LMF1: variants seen among roughly 807,000 people sequenced by gnomAD.
The protein encoded by LMF1 is lipase maturation factor 1, also known as transmembrane protein 112.
In LMF1, 68 loss-of-function variants were observed where a neutral mutation model predicts 60.6. The observed-to-expected ratio is 1.12, with a 90% CI of 0.92 to 1.37. LMF1 has a LOEUF of 1.37. LMF1 is among the 40% of genes most tolerant of loss of function. LMF1 has a pLI of 0.00. For synonymous variants in LMF1, 418 were observed against 324.7 expected, an observed-to-expected ratio of 1.29 and a Z score of -3.09; for missense variants, 948 against 767.2, an observed-to-expected ratio of 1.24 and a Z score of -2.78.
At chr16:964,174 T>C (rs1362132140) in intron 1 of LMF1, 1 of 453,436 alleles carries the variant, frequency 2.2e-6, no homozygotes, top group East Asian at 7.0e-5. Flanking sequence ...CCTGTGCCCG[T>C]AGCCCCAGCT....
chr16:940,344 G>C (rs993533626), intron 2 of LMF1, among the ~76,000 whole-genome samples: 1 of 152,136 alleles, frequency 6.6e-6, no homozygotes, highest in Non-Finnish European at 1.5e-5. Flanking sequence ...CATGGGAACT[G>C]GTTTGGACAT....
upstream of LMF1, chr16:981,357 T>TAAA (rs2073370395): frequency 4.1e-6 from 1 of 245,202 alleles, no homozygotes; most frequent in African/African-American, 2.6e-5. Flanking sequence ...AGTGTGTGTG[T>TAAA]GTGTGTGTGT....
At chr16:881,042 A>G (rs1399100663) in intron 5 of LMF1, among the ~76,000 whole-genome samples, 2 of 152,210 alleles carry the variant, frequency 1.3e-5, no homozygotes, top group African/African-American at 4.8e-5. Flanking sequence ...GACGCTTCAG[A>G]ATCCGCACCC....
At chr16:856,818 A>C (rs952634198) in intron 10 of LMF1, among the ~76,000 whole-genome samples, 2 of 152,118 alleles carry the variant, frequency 1.3e-5, no homozygotes, top group African/African-American at 4.8e-5. Flanking sequence ...AAAATAGGGG[A>C]TCTCCCAGCC....
At chr16:921,027 G>C (rs1376500816) in intron 3 of LMF1, 1 of 152,312 alleles carries the variant, frequency 6.6e-6, no homozygotes, top group Non-Finnish European at 1.5e-5. Flanking sequence ...TCGTGAGCTG[G>C]CCTCGGTCAG....
intron 10 of LMF1, among the ~76,000 whole-genome samples, chr16:859,239 C>A (rs867266807): frequency 1.1e-5 from 1 of 90,584 alleles, no homozygotes; most frequent in East Asian, 3.2e-4. Context: ...TGTCACGGGA[C>A]GGGTGTGCAG....
chr16:949,225 C>T (rs71380215), intron 2 of LMF1, among the ~76,000 whole-genome samples: 3,887 of 139,680 alleles, frequency 0.028, 325 homozygotes, highest in Middle Eastern at 0.051. Flanking sequence ...AGTCAGCCAA[C>T]AACAGAGTCA....
At chr16:979,529 C>G (rs1239332259) in intron 1 of LMF1, 1 of 415,978 alleles carries the variant, frequency 2.4e-6, no homozygotes, top group African/African-American at 2.0e-5. Context: ...ACCACCGTGC[C>G]CCAGAGTCAG....
At chr16:906,468 C>G (rs370162323) in intron 4 of LMF1, among the ~76,000 whole-genome samples, 1 of 152,152 alleles carries the variant, frequency 6.6e-6, no homozygotes, top group South Asian at 2.1e-4. Flanking sequence ...CCTCCCAGCC[C>G]GCATCTTTCT....
intron 2 of LMF1, among the ~76,000 whole-genome samples, chr16:942,200 G>A (rs563654311): frequency 2.0e-5 from 3 of 152,316 alleles, no homozygotes; most frequent in South Asian, 2.1e-4. Context: ...GTTGACAATC[G>A]TTTTTCTTTA....
intron 4 of LMF1, chr16:901,700 T>G (rs1038064379): frequency 6.6e-6 from 1 of 152,090 alleles, no homozygotes; most frequent in African/African-American, 2.4e-5. Context: ...CCCGGTGGGA[T>G]GTAGGCTGGA....
chr16:953,159 T>A (rs1298526185), intron 2 of LMF1, among the ~76,000 whole-genome samples: 1 of 108,462 alleles, frequency 9.2e-6, no homozygotes, highest in African/African-American at 3.6e-5. Flanking sequence ...CAAACCAGCC[T>A]CCTGCACGTC....
intron 4 of LMF1, among the ~76,000 whole-genome samples, chr16:909,789 C>G (rs959828842): frequency 6.6e-6 from 1 of 152,240 alleles, no homozygotes; most frequent in African/African-American, 2.4e-5. Flanking sequence ...TGACCTGAAG[C>G]TGAACACAGG....
intron 2 of LMF1, among the ~76,000 whole-genome samples, chr16:944,886 G>A (rs538422431): frequency 2.7e-5 from 4 of 150,732 alleles, no homozygotes; most frequent in Non-Finnish European, 4.4e-5. Flanking sequence ...TGTACTCTTC[G>A]GAGTCAAAGA....
chr16:921,735 G>C (rs1335214198), intron 3 of LMF1, among the ~76,000 whole-genome samples: 1 of 152,180 alleles, frequency 6.6e-6, no homozygotes, highest in Non-Finnish European at 1.5e-5. Context: ...CACCGACGCA[G>C]GGACGGGGGA....
chr16:959,993 C>G (rs2072790571), intron 1 of LMF1, among the ~76,000 whole-genome samples: 1 of 151,958 alleles, frequency 6.6e-6, no homozygotes, highest in South Asian at 2.1e-4. Flanking sequence ...GACAGAGAAG[C>G]AATCAAATGT....
chr16:970,353 C>G (rs1354359541), intron 1 of LMF1, among the ~76,000 whole-genome samples: 1 of 152,200 alleles, frequency 6.6e-6, no homozygotes, highest in African/African-American at 2.4e-5. Flanking sequence ...ACAGCAGGAG[C>G]GCCTCGCCTC....
At chr16:949,304 G>C (rs1170354711) in intron 2 of LMF1, among the ~76,000 whole-genome samples, 1 of 133,344 alleles carries the variant, frequency 7.5e-6, no homozygotes, top group Non-Finnish European at 1.6e-5. Flanking sequence ...GACAGAGTCA[G>C]AGACAACGAC....
chr16:877,703 G>GT (rs943368995), intron 6 of LMF1, among the ~76,000 whole-genome samples: 2 of 152,298 alleles, frequency 1.3e-5, no homozygotes, highest in Admixed American at 1.3e-4. Flanking sequence ...CCTCCCTGCT[G>GT]TGGGACCCCA....
Sources: allele counts gnomAD v4.1 joint callset (sites outside exome capture counted in the v4.1 genomes callset), GRCh38; gene constraint gnomAD v4.1.1; transcripts MANE v1.5; gene names NCBI Gene and HGNC (gene_info 2026-07-23, HGNC 2026-07-21).